The following GJB6 variants were observed in gnomAD, a reference collection of about 807,000 sequenced individuals.
The protein encoded by GJB6 is gap junction beta-6 protein.
Under a neutral mutation model 5.4 loss-of-function variants are expected in GJB6, and 5 were observed. The ratio of observed to expected loss-of-function variants is 0.92; its 90% CI spans 0.48 to 1.93. The LOEUF (loss-of-function observed/expected upper bound fraction) is 1.93. Among genes scored for constraint, GJB6 ranks in the 30% most tolerant of loss-of-function variants. GJB6 has a pLI of 0.01. For missense variants in GJB6, 298 were observed against 326.9 expected (o/e 0.91, Z 0.68); for synonymous variants, 136 against 129.6 (o/e 1.05, Z -0.34).
intron 4 of GJB6, among the ~76,000 whole-genome samples, chr13:20,228,518 C>T (rs1335269743): frequency 6.7e-6 from 1 of 149,758 alleles, no homozygotes. Context: ...GAGTCTAGCT[C>T]TGTTGCCCAA....
chr13:20,226,614 A>C (rs1392953456), intron 4 of GJB6, among the ~76,000 whole-genome samples: 1 of 152,216 alleles, frequency 6.6e-6, no homozygotes, highest in Non-Finnish European at 1.5e-5. Flanking sequence ...CTAACTGTTG[A>C]TGTTCTATCT....
In GJB6 at chr13:20,222,387, T is replaced by C. The variant is rs1869232431; in HGVS notation, c.*308A>G. 1 of 303,572 alleles carries C rather than the reference T, an allele frequency of 3.3e-6. No homozygotes were observed. The highest frequency in any genetic ancestry group is 6.1e-6 in the Non-Finnish European group (1 of 163,762). The allele number at this position is 303,572 out of a possible 1,614,324, so 18.8% of individuals were successfully genotyped here. ...TCAATTCCTGGATAAATGTTCCTTA[T>C]CAACAACAGTTATATAAATTTTCAG... On this transcript the variant is annotated 3_prime_UTR_variant, in exon 5 of 5. Coordinates refer to ENST00000647029, the MANE Select transcript of GJB6 (RefSeq NM_001110219.3).
chr13:20,232,281 C>G lies in GJB6; in HGVS notation c.-507G>C, dbSNP rs1389687743. On this transcript the variant is annotated 5_prime_UTR_variant, in exon 1 of 5. Transcript: ENST00000647029. Reference sequence around the variant, plus strand: ...GGGCAGGCAGGTCGGGCTCGGGCGCCGCCGGCTGTCGGGCTCTCGTCGGGT... The same window carrying G: ...GGGCAGGCAGGTCGGGCTCGGGCGCGGCCGGCTGTCGGGCTCTCGTCGGGT... 6.6e-6 allele frequency: 1 copy of G among 151,976 alleles called. No homozygotes were observed. The highest frequency in any genetic ancestry group is 2.4e-5 in the African/African-American group (1 of 41,410). 9.4% of individuals were successfully genotyped at this position (151,976 alleles called of 1,614,324 possible).
At chr13:20,229,792 T>TCCCCCCCCCCCCCCCCCCCCCCCC (rs56771888) in intron 3 of GJB6, 43 bp from the exon 4 acceptor site, 1 of 72,816 alleles carries the variant, frequency 1.4e-5, no homozygotes, top group Non-Finnish European at 2.7e-5. Context: ...TTCCTTTAAC[T>TCCCCCCCCCCCCCCCCCCCCCCCC]CCCCCCCCCC....
rs1231735204 is a variant in GJB6 at position 20,229,746 on chromosome 13, T to C, written c.-182A>G. On this transcript the variant is annotated 5_prime_UTR_variant, in exon 4 of 5. Transcript: ENST00000647029. ...AATCTTTGCTCGGTCAGTGAGGATGTCGCCTGTTGAGGGAAAAATAGTAGC... is the reference window on the plus strand; with the variant it reads ...AATCTTTGCTCGGTCAGTGAGGATGCCGCCTGTTGAGGGAAAAATAGTAGC... 6.6e-6 allele frequency: 1 copy of C among 151,014 alleles called. No homozygotes were observed. The highest frequency in any genetic ancestry group is 2.0e-4 in the East Asian group (1 of 5,096). The allele number at this position is 151,014 out of a possible 1,614,324, so 9.4% of individuals were successfully genotyped here.
Position 20,222,788 on chromosome 13 carries a change from GT to G in GJB6, c.692del (p.His231ProfsTer6). The part of the protein sequence containing the change: ...RSKRAQTQKN[H>X]PNHALKESKQ... ...TACTCTCCTTTAGGGCATGATTGGG[GT>G]GATTTTTTTGCGTCTGTGCTCTCTT... On this transcript the variant is annotated frameshift_variant, in exon 5 of 5. Transcript: ENST00000647029. LOFTEE classifies it high-confidence loss of function. The G allele has an allele frequency of 6.2e-7, 1 of 1,613,952 alleles. No individual in the cohort carries two copies. Among genetic ancestry groups the G allele is most frequent in the Non-Finnish European group, 8.5e-7 (1 of 1,179,842 alleles).
chr13:20,228,480 GTTTTTGT>G (rs1369790539), intron 4 of GJB6, among the ~76,000 whole-genome samples: 1 of 118,110 alleles, frequency 8.5e-6, no homozygotes, highest in African/African-American at 3.8e-5. Flanking sequence ...TTTGTTTTTT[GTTTTTGT>G]TTTTTGTTTT....
At chr13:20,229,313 T>A (rs920680954) in intron 4 of GJB6, among the ~76,000 whole-genome samples, 1 of 124,152 alleles carries the variant, frequency 8.1e-6, no homozygotes, top group African/African-American at 3.2e-5. Flanking sequence ...CATACCTGGT[T>A]AATTTTTTTT....
At chr13:20,228,774 G>T (rs541851834) in intron 4 of GJB6, among the ~76,000 whole-genome samples, 2 of 151,902 alleles carry the variant, frequency 1.3e-5, no homozygotes, top group Admixed American at 6.6e-5. Flanking sequence ...ATGAGCCACC[G>T]CGCCCGGCCC....
intron 3 of GJB6, among the ~76,000 whole-genome samples, chr13:20,230,309 G>A (rs866320669): frequency 6.6e-6 from 1 of 152,186 alleles, no homozygotes; most frequent in Non-Finnish European, 1.5e-5. Flanking sequence ...GAGTCTAGAT[G>A]TAAAAATGGA....
At chr13:20,223,839 G>A (rs1869397883) in intron 4 of GJB6, among the ~76,000 whole-genome samples, 1 of 152,030 alleles carries the variant, frequency 6.6e-6, no homozygotes, top group Admixed American at 6.5e-5. Flanking sequence ...CGTGGTGGCG[G>A]GCACCTGTAG....
intron 4 of GJB6, among the ~76,000 whole-genome samples, chr13:20,229,147 A>AAAAAAAAT (rs1276147789): frequency 1.1e-5 from 1 of 89,196 alleles, no homozygotes; most frequent in African/African-American, 5.9e-5. Context: ...AAAAAAAAAA[A>AAAAAAAAT]AAATTTTTTT....
At chr13:20,229,148 A>AT (rs1566542697) in intron 4 of GJB6, among the ~76,000 whole-genome samples, 1 of 69,294 alleles carries the variant, frequency 1.4e-5, no homozygotes, top group African/African-American at 7.2e-5. Context: ...AAAAAAAAAA[A>AT]AATTTTTTTT....
intron 4 of GJB6, among the ~76,000 whole-genome samples, chr13:20,226,049 C>A (rs1335845394): frequency 2.0e-5 from 3 of 152,130 alleles, no homozygotes; most frequent in Non-Finnish European, 4.4e-5. Flanking sequence ...GAAGGGTGGG[C>A]TCTTTCCATG....
chr13:20,226,654 G>T lies in GJB6; in HGVS notation c.-16+2926C>A, dbSNP rs115692532. ...AGCATTTCAAAATGTGACCAGTGAGGAGCAAGAAATTTGTACGTCTTGATG... is the reference window on the plus strand; with the variant it reads ...AGCATTTCAAAATGTGACCAGTGAGTAGCAAGAAATTTGTACGTCTTGATG... On this transcript the variant is annotated intron_variant, in intron 4 of 4. Transcript: ENST00000647029. Among the ~76,000 whole-genome samples the T allele has an allele frequency of 6.8e-3, 1,041 of 152,302 alleles. 15 individuals carry two copies. Among genetic ancestry groups the T allele is most frequent in the African/African-American group, 0.024 (985 of 41,568 alleles).
intron 4 of GJB6, among the ~76,000 whole-genome samples, chr13:20,229,047 A>G (rs1869847232): frequency 6.7e-6 from 1 of 150,222 alleles, no homozygotes; most frequent in Non-Finnish European, 1.5e-5. Flanking sequence ...AACCAAAACT[A>G]AAGCCCCCAA....
At chr13:20,229,147 A>AAAAAAAAAAAAAAT (rs1276147789) in intron 4 of GJB6, among the ~76,000 whole-genome samples, 1 of 89,196 alleles carries the variant, frequency 1.1e-5, no homozygotes, top group African/African-American at 5.9e-5. Context: ...AAAAAAAAAA[A>AAAAAAAAAAAAAAT]AAATTTTTTT....
chr13:20,231,233 G>T (rs1189101928), intron 2 of GJB6, 149 bp downstream of exon 2: 1 of 152,258 alleles, frequency 6.6e-6, no homozygotes, highest in Non-Finnish European at 1.5e-5. Context: ...TGAGGGAAAA[G>T]AACAACCCGG....
intron 4 of GJB6, among the ~76,000 whole-genome samples, chr13:20,224,791 T>C (rs189765640): frequency 6.6e-6 from 1 of 152,250 alleles, no homozygotes; most frequent in Non-Finnish European, 1.5e-5. Flanking sequence ...ACTCAGGCAT[T>C]TTTTTTACAG....
Sources: allele counts gnomAD v4.1 joint callset (sites outside exome capture counted in the v4.1 genomes callset), GRCh38; gene constraint gnomAD v4.1.1; transcripts MANE v1.5; gene names NCBI Gene and HGNC (gene_info 2026-07-23, HGNC 2026-07-21).